The following ANOS1 variants were observed in gnomAD, a reference collection of about 807,000 sequenced individuals.
ANOS1 encodes anosmin 1.
A neutral mutation model predicts 59.0 loss-of-function variants in ANOS1; 6 were observed. The ratio of observed to expected loss-of-function variants is 0.10; its 90% CI spans 0.06 to 0.20. ANOS1 has a LOEUF of 0.20. ANOS1 is among the 10% of genes least tolerant of loss of function. The pLI, the probability that ANOS1 is intolerant of heterozygous loss-of-function variation, is 1.00. For synonymous variants in ANOS1, 217 were observed against 223.4 expected, an observed-to-expected ratio of 0.97 and a Z score of 0.25; for missense variants, 433 against 542.3, an observed-to-expected ratio of 0.80 and a Z score of 2.00.
intron 3 of ANOS1, among the ~76,000 whole-genome samples, chrX:8,619,449 C>CA (rs34776378): frequency 6.5e-4 from 71 of 110,073 alleles, no homozygotes; most frequent in Non-Finnish European, 1.2e-3. Flanking sequence ...ACTAAAAATA[C>CA]AAAAATTAGC....
chrX:8,673,467 A>C (rs5978939), intron 2 of ANOS1, among the ~76,000 whole-genome samples: 1 of 107,355 alleles, frequency 9.3e-6, no homozygotes, highest in Admixed American at 1.0e-4. Context: ...GGAAGGACTC[A>C]GTCAGACAGA....
At chrX:8,553,081 C>T (rs1929882894) in intron 9 of ANOS1, among the ~76,000 whole-genome samples, 1 of 109,793 alleles carries the variant, frequency 9.1e-6, no homozygotes, top group Non-Finnish European at 1.9e-5. Flanking sequence ...AAAAACCTAA[C>T]TCTTGAAACA....
At chrX:8,682,810 A>T (rs1569081690) in intron 2 of ANOS1, among the ~76,000 whole-genome samples, 1 of 111,625 alleles carries the variant, frequency 9.0e-6, no homozygotes, top group Non-Finnish European at 1.9e-5. Context: ...GAGAAAATAC[A>T]CACACACAAA....
intron 2 of ANOS1, among the ~76,000 whole-genome samples, chrX:8,699,420 C>T (rs1377332677): frequency 8.9e-6 from 1 of 111,987 alleles, no homozygotes; most frequent in Non-Finnish European, 1.9e-5. Context: ...CAATAAAATA[C>T]AGTAGTATAT....
chrX:8,567,345 T>C (rs1416257391), intron 8 of ANOS1, among the ~76,000 whole-genome samples: 2 of 111,850 alleles, frequency 1.8e-5, no homozygotes, highest in Non-Finnish European at 3.8e-5. Flanking sequence ...TGTGTAGTAC[T>C]AGGAAAAACA....
chrX:8,585,195 G>A (rs1209234037), intron 6 of ANOS1, 72 bp downstream of exon 6: 6 of 1,075,772 alleles, frequency 5.6e-6, no homozygotes, highest in African/African-American at 3.7e-5. Flanking sequence ...CATAGAGACA[G>A]TGAATCTGCA....
intron 2 of ANOS1, among the ~76,000 whole-genome samples, chrX:8,662,773 G>A (rs916181433): frequency 8.9e-6 from 1 of 112,260 alleles, no homozygotes; most frequent in Non-Finnish European, 1.9e-5. Context: ...TGTAATCCCA[G>A]CACTTTGGGA....
intron 8 of ANOS1, among the ~76,000 whole-genome samples, chrX:8,562,990 C>A (rs1930056049): frequency 1.8e-5 from 2 of 112,223 alleles, no homozygotes; most frequent in Admixed American, 1.9e-4. Flanking sequence ...CTAGTTGGTT[C>A]ATGATGAAAT....
At chrX:8,564,838 G>C (rs1047031511) in intron 8 of ANOS1, among the ~76,000 whole-genome samples, 2 of 111,682 alleles carry the variant, frequency 1.8e-5, no homozygotes, top group Admixed American at 9.5e-5. Flanking sequence ...TATATTTATG[G>C]GGAACCGCAT....
At chrX:8,555,638 G>T (rs1044379313) in intron 8 of ANOS1, among the ~76,000 whole-genome samples, 6 of 111,660 alleles carry the variant, frequency 5.4e-5, no homozygotes, top group Non-Finnish European at 7.5e-5. Context: ...AGAAGAAATG[G>T]ATAAACTCCT....
chrX:8,682,996 T>C (rs1294363156), intron 2 of ANOS1, among the ~76,000 whole-genome samples: 2 of 111,011 alleles, frequency 1.8e-5, no homozygotes, highest in Non-Finnish European at 1.9e-5. Context: ...CATCAGAATC[T>C]ATGGAGGTGG....
chrX:8,640,879 A>G (rs1931652566), intron 2 of ANOS1, among the ~76,000 whole-genome samples: 1 of 112,032 alleles, frequency 8.9e-6, no homozygotes, highest in African/African-American at 3.2e-5. Flanking sequence ...TAAAAACTCA[A>G]ACCACTGAAT....
At chrX:8,706,909 A>G (rs1466015869) in intron 1 of ANOS1, among the ~76,000 whole-genome samples, 2 of 111,951 alleles carry the variant, frequency 1.8e-5, no homozygotes, top group Non-Finnish European at 3.8e-5. Flanking sequence ...CCATATAGAA[A>G]GAAATACACC....
chrX:8,532,336 T>A lies in ANOS1; in HGVS notation c.*659A>T, dbSNP rs1435113740. On this transcript the variant is annotated 3_prime_UTR_variant, in exon 14 of 14. Coordinates refer to ENST00000262648, the MANE Select transcript of ANOS1 (RefSeq NM_000216.4). ...CTGATTAGCAGCTTATTTCATTGAG[T>A]TCCTCTGGCTTGGGTGTCTTTTGTA... The A allele has an allele frequency of 8.9e-6, 1 of 112,192 alleles. No homozygotes were observed. Among genetic ancestry groups the A allele is most frequent in the Admixed American group, 9.5e-5 (1 of 10,554 alleles). 9.2% of individuals were successfully genotyped at this position (112,192 alleles called of 1,213,427 possible). A position where few individuals can be genotyped will look rare whatever the true frequency, so the allele number is the denominator to read the frequency against.
chrX:8,572,660 T>C (rs1930252577), intron 6 of ANOS1, among the ~76,000 whole-genome samples: 1 of 111,753 alleles, frequency 8.9e-6, no homozygotes, highest in South Asian at 3.8e-4. Context: ...AGTAATGAGA[T>C]TGCTGGATCA....
intron 9 of ANOS1, among the ~76,000 whole-genome samples, chrX:8,541,417 C>G (rs36010532): frequency 2.3e-4 from 23 of 99,130 alleles, no homozygotes; most frequent in South Asian, 4.8e-4. Context: ...CCACCCCCCC[C>G]CCAAAAACAA....
chrX:8,552,788 T>C (rs1407020881), intron 9 of ANOS1, among the ~76,000 whole-genome samples: 1 of 110,478 alleles, frequency 9.1e-6, no homozygotes, highest in Admixed American at 9.7e-5. Flanking sequence ...TTAATCAATA[T>C]AATAGATCAA....
intron 2 of ANOS1, among the ~76,000 whole-genome samples, chrX:8,675,087 A>C (rs1013744934): frequency 9.0e-6 from 1 of 111,229 alleles, no homozygotes; most frequent in African/African-American, 3.3e-5. Flanking sequence ...GAGCCAGTGA[A>C]GGAAATCCAG....
At chrX:8,606,015 G>T (rs1930935954) in intron 3 of ANOS1, among the ~76,000 whole-genome samples, 1 of 111,554 alleles carries the variant, frequency 9.0e-6, no homozygotes, top group Non-Finnish European at 1.9e-5. Context: ...GATGTGCCAT[G>T]CAATGGCAAA....
Sources: gnomAD v4.1 joint callset for allele counts (sites outside exome capture counted in the v4.1 genomes callset) on GRCh38, gnomAD v4.1.1 for gene constraint, MANE v1.5 for transcripts, NCBI Gene and HGNC (gene_info 2026-07-23, HGNC 2026-07-21) for gene names.